Variants in BBS9 observed in about 807,000 individuals in gnomAD.
BBS9 encodes Bardet-Biedl syndrome 9.
Under a neutral mutation model 117.7 loss-of-function variants are expected in BBS9, and 89 were observed. That is an observed-to-expected ratio of 0.76 (90% CI 0.64 to 0.90). The LOEUF is 0.90. Among genes scored for constraint, BBS9 ranks in the 40% least tolerant of loss-of-function variants. The pLI is 0.00. For synonymous variants in BBS9, 379 were observed against 370.9 expected (o/e 1.02, Z -0.25); for missense variants, 982 against 1,042.2 (o/e 0.94, Z 0.80).
chr7:33,431,051 C>G (rs1340679964), intron 19 of BBS9, among the ~76,000 whole-genome samples: 2 of 150,860 alleles, frequency 1.3e-5, no homozygotes, highest in Non-Finnish European at 1.5e-5. Flanking sequence ...AAAACTTAGA[C>G]AGGCATGGTG....
At chr7:33,172,147 G>A (rs1420469782) in intron 4 of BBS9, among the ~76,000 whole-genome samples, 10 of 152,114 alleles carry the variant, frequency 6.6e-5, no homozygotes, top group African/African-American at 1.2e-4. Context: ...TTGGGAGGCC[G>A]AGGTGGGCCG....
chr7:33,240,265 T>C (rs1484604533), intron 5 of BBS9, among the ~76,000 whole-genome samples: 5 of 151,630 alleles, frequency 3.3e-5, no homozygotes, highest in Non-Finnish European at 7.4e-5. Context: ...TTGTTCTTTT[T>C]TTTTTTTTTT....
intron 21 of BBS9, among the ~76,000 whole-genome samples, chr7:33,564,569 G>A (rs1021425759): frequency 1.3e-5 from 2 of 152,056 alleles, no homozygotes; most frequent in Non-Finnish European, 2.9e-5. Context: ...ATGACTTTTC[G>A]TTTTATTCTG....
intron 9 of BBS9, among the ~76,000 whole-genome samples, chr7:33,288,877 A>T (rs1220540340): frequency 1.3e-5 from 2 of 152,176 alleles, no homozygotes; most frequent in African/African-American, 4.8e-5. Context: ...TGTTATCCTC[A>T]TTTTATAGAT....
intron 19 of BBS9, among the ~76,000 whole-genome samples, chr7:33,405,505 A>T (rs1410230896): frequency 1.3e-5 from 2 of 152,200 alleles, no homozygotes; most frequent in Admixed American, 1.3e-4. Flanking sequence ...GCTATTGATT[A>T]TTGCCACAAT....
At chr7:33,517,970 A>C (rs1372116799) in intron 20 of BBS9, among the ~76,000 whole-genome samples, 2 of 152,204 alleles carry the variant, frequency 1.3e-5, no homozygotes, top group African/African-American at 4.8e-5. Flanking sequence ...TGGCACATTT[A>C]ATCAACTCAT....
chr7:33,252,051 G>A (rs1796300353), intron 5 of BBS9, among the ~76,000 whole-genome samples: 2 of 152,130 alleles, frequency 1.3e-5, no homozygotes, highest in Non-Finnish European at 2.9e-5. Flanking sequence ...GGAGGCCTCA[G>A]GAAACTTACA....
In BBS9 at chr7:33,162,098, T is replaced by C. The variant is rs113080660; in HGVS notation, c.328+6396T>C. 5.5e-3 allele frequency among the ~76,000 whole-genome samples: 834 copies of C among 152,204 alleles called. 9 individuals carry two copies. The highest frequency in any genetic ancestry group is 0.019 in the African/African-American group (785 of 41,552). ...CCTGTTCACGCTGCTGGTAGTTTTC[T>C]TTTTTTGCTCATGAAGTCCTTGCCC... is the stretch of plus-strand genomic sequence containing the variant. On this transcript the variant is annotated intron_variant, in intron 4 of 22. Transcript: ENST00000242067.
intron 4 of BBS9, among the ~76,000 whole-genome samples, chr7:33,162,446 A>T (rs138027352): frequency 0.014 from 2,195 of 152,170 alleles, 58 homozygotes; most frequent in African/African-American, 0.05. Context: ...CACTGTATGG[A>T]TTCTTCCTAT....
chr7:33,403,089 A>T (rs573587782), intron 19 of BBS9, among the ~76,000 whole-genome samples: 78 of 144,462 alleles, frequency 5.4e-4, no homozygotes, highest in Admixed American at 1.0e-3. Context: ...AAAATTTTTT[A>T]AAAAAATAAT....
rs778832586 is a variant in BBS9, at chr7:33,177,512, T to C, written c.363T>C (p.Cys121=). 1 of 1,613,196 alleles carries C rather than the reference T, an allele frequency of 6.2e-7. No homozygotes were observed. The highest frequency in any genetic ancestry group is 8.5e-7 in the Non-Finnish European group (1 of 1,179,690). Residue 121 remains cysteine (C), a synonymous_variant, in exon 5 of 23, where the codon TGT becomes TGC. Coordinates refer to ENST00000242067, the MANE Select transcript of BBS9 (RefSeq NM_198428.3). ...TLGNVEHGNQ[C]QMKLMYEHNL... is the part of the protein sequence containing the mutation. ...GTAATGTGGAACATGGGAACCAATG[T>C]CAGATGAAATTGATGTATGAACATA...
chr7:33,334,401 C>T (rs965715956), intron 9 of BBS9, among the ~76,000 whole-genome samples: 5 of 152,130 alleles, frequency 3.3e-5, no homozygotes, highest in African/African-American at 7.2e-5. Flanking sequence ...AAGCCCCCCC[C>T]AGAGGTCTGC....
At chr7:33,328,671 A>G (rs879516792) in intron 9 of BBS9, among the ~76,000 whole-genome samples, 16 of 152,216 alleles carry the variant, frequency 1.1e-4, no homozygotes, top group South Asian at 2.1e-4. Context: ...ATAACCTACA[A>G]TGTTCCTATT....
chr7:33,503,418 G>A (rs1339300173), intron 19 of BBS9, among the ~76,000 whole-genome samples: 1 of 152,200 alleles, frequency 6.6e-6, no homozygotes, highest in African/African-American at 2.4e-5. Flanking sequence ...TGCTTGGCAT[G>A]CGGCCTATGT....
chr7:33,514,663 A>T (rs1847468948), intron 20 of BBS9, among the ~76,000 whole-genome samples: 1 of 152,206 alleles, frequency 6.6e-6, no homozygotes, highest in South Asian at 2.1e-4. Context: ...CTTCAATAAG[A>T]TATGCAAATA....
chr7:33,149,198 A>G (rs993866412), intron 2 of BBS9, among the ~76,000 whole-genome samples: 40 of 152,184 alleles, frequency 2.6e-4, no homozygotes, highest in Admixed American at 2.0e-4. Flanking sequence ...CCCAGAGAGG[A>G]CAGTCAGAGA....
At chr7:33,407,715 C>T (rs1317183745) in intron 19 of BBS9, among the ~76,000 whole-genome samples, 1 of 152,192 alleles carries the variant, frequency 6.6e-6, no homozygotes, top group Admixed American at 6.5e-5. Flanking sequence ...ACCCTGTTTG[C>T]CTGGGTATCA....
At chr7:33,483,124 A>C (rs894604183) in intron 19 of BBS9, among the ~76,000 whole-genome samples, 1 of 152,166 alleles carries the variant, frequency 6.6e-6, no homozygotes, top group Non-Finnish European at 1.5e-5. Flanking sequence ...AATAGCTTTA[A>C]AACAGACTGA....
chr7:33,248,402 G>A (rs1477453471), intron 5 of BBS9, among the ~76,000 whole-genome samples: 5 of 152,082 alleles, frequency 3.3e-5, no homozygotes, highest in Non-Finnish European at 7.4e-5. Context: ...GAGGGAGAGA[G>A]TAATAAGAAA....
Sources: allele counts gnomAD v4.1 joint callset (sites outside exome capture counted in the v4.1 genomes callset), GRCh38; gene constraint gnomAD v4.1.1; transcripts MANE v1.5; gene names NCBI Gene and HGNC (gene_info 2026-07-23, HGNC 2026-07-21).